UCP3: variants seen among roughly 807,000 people sequenced by gnomAD.
The protein encoded by UCP3 is uncoupling protein 3.
UCP3 carries 24 observed loss-of-function variants against 28.1 expected under a neutral mutation model. That is an observed-to-expected ratio of 0.85 (90% CI 0.62 to 1.20). UCP3 has a LOEUF of 1.20. Among genes scored for constraint, UCP3 ranks in the 50% most tolerant of loss-of-function variants. The pLI is 0.00. For synonymous variants in UCP3, 184 were observed against 171.2 expected (o/e 1.07, Z -0.59); for missense variants, 397 against 422.2 (o/e 0.94, Z 0.52).
Position 74,006,897 on chromosome 11 carries a change from C to G in UCP3, c.126+20G>C, listed in dbSNP as rs1482027100. 5.6e-6 allele frequency: 9 copies of G among 1,614,102 alleles called. No individual in the cohort carries two copies. Among genetic ancestry groups the G allele is most frequent in the Non-Finnish European group, 5.9e-6 (7 of 1,180,012 alleles). On this transcript the variant is annotated intron_variant, in intron 2 of 6. Coordinates refer to ENST00000314032, the MANE Select transcript of UCP3 (RefSeq NM_003356.4). ...CCCTCCTTCCATGTGATCAATGACC[C>G]TTGGCCAAAGGGCACCTACCTGCAG...
chr11:74,001,807 C>G, intron 6 of UCP3: 1 of 409,274 alleles, frequency 2.4e-6, no homozygotes, highest in Non-Finnish European at 4.5e-6. Context: ...ATGTTGCTGC[C>G]AGGCTCTTTT....
chr11:74,002,638 A>T (rs1314940942), intron 6 of UCP3: 1 of 471,320 alleles, frequency 2.1e-6, no homozygotes, highest in African/African-American at 2.1e-5. Flanking sequence ...TCTTTGAGGG[A>T]GGCATAACCC....
In UCP3 at chr11:74,001,460, C is replaced by T; in HGVS notation, c.891G>A (p.Leu297=). 7 of 1,614,198 alleles carry T rather than the reference C, an allele frequency of 4.3e-6. No homozygotes were observed. Among genetic ancestry groups the T allele is most frequent in the Non-Finnish European group, 5.9e-6 (7 of 1,180,042 alleles). The change falls in exon 7 of 7, where the codon CTG becomes CTA. Residue 297 remains leucine, a synonymous_variant. Transcript: ENST00000314032. ...NVVMFVTYEQ[L]KRALMKVQML... ...TCTGGACTTTCATCAGGGCCCGTTT[C>T]AGCTGCTCATAGGTTACGAACATCA...
At chr11:74,002,895 G>A (rs1463466494) in intron 6 of UCP3, 30 of 985,352 alleles carry the variant, frequency 3.0e-5, no homozygotes, top group Non-Finnish European at 3.4e-5. Context: ...GCAGTGGGAG[G>A]TGAAAGGGCC....
In UCP3 at chr11:74,001,477, C is replaced by A. The variant is rs752412908; in HGVS notation, c.874G>T (p.Val292Leu). 6.2e-7 allele frequency: 1 copy of A among 1,614,102 alleles called. No individual in the cohort carries two copies. The highest frequency in any genetic ancestry group is 1.6e-4 in the Middle Eastern group (1 of 6,062). Residue 292 changes from valine to leucine, a missense_variant, in exon 7 of 7, where the codon GTA (valine) becomes TTA (leucine). Coordinates refer to ENST00000314032, the MANE Select transcript of UCP3 (RefSeq NM_003356.4). ...RLGSWNVVMF[V>L]TYEQLKRALM... ...GCCCGTTTCAGCTGCTCATAGGTTA[C>A]GAACATCACCACGTTCCAGGATCCC...
chr11:74,008,195 G>A (rs755633493), intron 1 of UCP3, among the ~76,000 whole-genome samples: 3 of 152,138 alleles, frequency 2.0e-5, no homozygotes, highest in Non-Finnish European at 2.9e-5. Context: ...TGGTGCCCAC[G>A]TTTGTCTGAC....
At chr11:74,005,235 G>T (rs1197625548) in intron 4 of UCP3, among the ~76,000 whole-genome samples, 1 of 152,162 alleles carries the variant, frequency 6.6e-6, no homozygotes, top group Non-Finnish European at 1.5e-5. Flanking sequence ...CTTCCTCGTT[G>T]CATCTCCCTG....
At chr11:74,005,301 G>A (rs1042852493) in intron 4 of UCP3, among the ~76,000 whole-genome samples, 1 of 152,132 alleles carries the variant, frequency 6.6e-6, no homozygotes, top group African/African-American at 2.4e-5. Context: ...TCCGGACCCT[G>A]CTTGAGGGCC....
Position 74,006,210 on chromosome 11 carries a change from T to C in UCP3, c.296A>G (p.Tyr99Cys), listed in dbSNP as rs571622779. The stretch of plus-strand genomic sequence containing the variant: ...GGTGTACACCTGCTTGACGGAGTCA[T>C]AGAGGCCGATGCGGATGGAGGCGAA... ...MSFASIRIGL[Y>C]DSVKQVYTPK... The change falls in exon 3 of 7, where the codon TAT becomes TGT. Residue 99 changes from tyrosine (Y) to cysteine (C), a missense_variant. By Grantham distance (194) the Tyr-to-Cys change is radical (BLOSUM62 -2). Coordinates refer to ENST00000314032, the MANE Select transcript of UCP3 (RefSeq NM_003356.4). The C allele has an allele frequency of 8.7e-6, 14 of 1,614,072 alleles. No homozygotes were observed. The highest frequency in any genetic ancestry group is 1.1e-5 in the South Asian group (1 of 91,078).
intron 1 of UCP3, among the ~76,000 whole-genome samples, chr11:74,008,683 A>T (rs989281303): frequency 6.6e-6 from 1 of 152,156 alleles, no homozygotes; most frequent in Non-Finnish European, 1.5e-5. Flanking sequence ...CTTCCTGTCT[A>T]TGGGGATTTG....
At chr11:74,003,762 C>A (rs1951637451) in intron 6 of UCP3, 65 bp downstream of exon 6, 1 of 1,519,414 alleles carries the variant, frequency 6.6e-7, no homozygotes, top group South Asian at 1.3e-5. Context: ...CCACGGTAGC[C>A]ACATTCGAAA....
Position 74,005,980 on chromosome 11 carries a change from T to C in UCP3, c.338-47A>G, listed in dbSNP as rs1685325. Reference sequence around the variant, plus strand: ...GGCCAGTGTCCCCTACTAAGCAGCATTCTGGGACATGCTGTTCTCTGCGGG... The same window carrying C: ...GGCCAGTGTCCCCTACTAAGCAGCACTCTGGGACATGCTGTTCTCTGCGGG... On this transcript the variant is annotated intron_variant, in intron 3 of 6. Transcript: ENST00000314032. 817,246 of 1,604,394 alleles carry C rather than the reference T, an allele frequency of 0.51. 212,510 individuals carry two copies. Among genetic ancestry groups the C allele is most frequent in the African/African-American group, 0.78 (58,140 of 74,618 alleles).
In UCP3 at chr11:74,006,277, G is replaced by A. The variant is rs1951665533; in HGVS notation, c.229C>T (p.Pro77Ser). Residue 77 changes from proline to serine, a missense_variant, in exon 3 of 7, where the codon CCC becomes TCC. Transcript: ENST00000314032. ...AGGCCGGCCACCAGCCCATTGTAGG[G>A]GCTGCAGGGACCCTCAGTCCGCACC... ...TMVRTEGPCS[P>S]YNGLVAGLQR... is the part of the protein sequence containing the mutation. 3 of 1,613,430 alleles carry A rather than the reference G, an allele frequency of 1.9e-6. No homozygotes were observed. The highest frequency in any genetic ancestry group is 2.5e-6 in the Non-Finnish European group (3 of 1,179,976).
intron 6 of UCP3, 116 bp from the exon 7 acceptor site, chr11:74,001,642 A>G: frequency 1.1e-6 from 1 of 879,588 alleles, no homozygotes; most frequent in Non-Finnish European, 1.9e-6. Flanking sequence ...GTTCATCACA[A>G]GCATTTTCTG....
chr11:74,005,643 A>C, intron 4 of UCP3, 87 bp downstream of exon 4: 1 of 1,422,608 alleles, frequency 7.0e-7, no homozygotes, highest in Non-Finnish European at 9.9e-7. Context: ...CCATGCTGGG[A>C]GTCCCCTCCT....
Position 74,002,819 on chromosome 11 carries a change from G to A in UCP3, c.824+1008C>T, listed in dbSNP as rs535934382. The A allele has an allele frequency of 1.5e-4, 144 of 985,422 alleles. 1 individual carries two copies. In the African/African-American group the frequency reaches 2.4e-3, roughly 16 times the overall value. The allele number at this position is 985,422 out of a possible 1,614,324, so 61.0% of individuals were successfully genotyped here. ...TTCCCAGGCTTGAGAACCTATAGCA[G>A]CTCTTGTTCACTTGTTGGGTCCATT... is the stretch of plus-strand genomic sequence containing the variant. On this transcript the variant is annotated intron_variant, in intron 6 of 6. Coordinates refer to ENST00000314032, the MANE Select transcript of UCP3 (RefSeq NM_003356.4).
intron 1 of UCP3, 115 bp from the exon 2 acceptor site, chr11:74,007,252 TA>T (rs898428016): frequency 8.0e-6 from 5 of 624,706 alleles, no homozygotes; most frequent in Non-Finnish European, 1.4e-5. Context: ...GTGCCATACT[TA>T]AGCTGCATGA....
At chr11:74,007,162 C>T in intron 1 of UCP3, 25 bp from the exon 2 acceptor site, 1 of 1,345,246 alleles carries the variant, frequency 7.4e-7, no homozygotes, top group African/African-American at 1.5e-5. Flanking sequence ...CCAGAGAAGG[C>T]TGATGGAGTG....
chr11:74,008,454 C>T (rs1326338485), intron 1 of UCP3, among the ~76,000 whole-genome samples: 2 of 152,172 alleles, frequency 1.3e-5, no homozygotes, highest in African/African-American at 2.4e-5. Flanking sequence ...CCAACCCACC[C>T]TCCCGGCAAA....
Sources: gnomAD v4.1 joint callset for allele counts (sites outside exome capture counted in the v4.1 genomes callset) on GRCh38, gnomAD v4.1.1 for gene constraint, MANE v1.5 for transcripts, NCBI Gene and HGNC (gene_info 2026-07-23, HGNC 2026-07-21) for gene names.